Variants in CTNND2 observed in about 807,000 individuals in gnomAD.
The protein encoded by CTNND2 is catenin delta-2.
In CTNND2, 22 loss-of-function variants were observed where a neutral mutation model predicts 144.4. The ratio of observed to expected loss-of-function variants is 0.15; its 90% CI spans 0.11 to 0.22. The LOEUF is 0.22. Ranked by LOEUF, CTNND2 falls within the 10% of genes least tolerant of loss-of-function variation. The pLI, the probability that CTNND2 is intolerant of heterozygous loss-of-function variation, is 1.00. For synonymous variants in CTNND2, 751 were observed against 695.6 expected (o/e 1.08, Z -1.25); for missense variants, 1,353 against 1,618.8 (o/e 0.84, Z 2.82).
rs757592579 is a variant in CTNND2 at position 10,973,581 on chromosome 5, C to T, written c.3550G>A (p.Glu1184Lys). Residue 1184 changes from glutamate (E) to lysine (K), a missense_variant, in exon 22 of 22, where the codon GAG (glutamate) becomes AAG (lysine). This residue lies in a region of CTNND2 where 459 missense variants were observed against 674.3 expected (regional missense o/e 0.68). Transcript: ENST00000304623. The surrounding 1 kb of genome is among the most constrained non-coding windows in gnomAD (Gnocchi z 5.6). ...TTGAGACCCAGGTGCATGGTGTACT[C>T]GCTGGCGGGAGGGCGATGGTGGACC... Reference protein sequence around the residue: ...DQVHHRPPASEYTMHLGLKST... With the variant: ...DQVHHRPPASKYTMHLGLKST... 12 of 1,613,982 alleles carry T rather than the reference C, an allele frequency of 7.4e-6. No individual in the cohort carries two copies. The highest frequency in any genetic ancestry group is 9.3e-6 in the Non-Finnish European group (11 of 1,180,032).
intron 2 of CTNND2, among the ~76,000 whole-genome samples, chr5:11,660,534 C>A (rs1783143770): frequency 6.6e-6 from 1 of 152,052 alleles, no homozygotes; most frequent in South Asian, 2.1e-4. Context: ...CTGGAGTAGG[C>A]TCAGTTTCCC....
intron 12 of CTNND2, among the ~76,000 whole-genome samples, chr5:11,153,003 C>T (rs1757882431): frequency 6.6e-6 from 1 of 152,160 alleles, no homozygotes; most frequent in Admixed American, 6.5e-5. Flanking sequence ...TTGGCTCATT[C>T]CTGTAATCCC....
At chr5:11,042,284 G>A (rs1197919458) in intron 16 of CTNND2, among the ~76,000 whole-genome samples, 2 of 152,208 alleles carry the variant, frequency 1.3e-5, no homozygotes, top group Non-Finnish European at 2.9e-5. Context: ...ATGAAAAAGG[G>A]ATGGTCAGAG....
intron 10 of CTNND2, among the ~76,000 whole-genome samples, chr5:11,233,862 T>C (rs899479983): frequency 6.6e-6 from 1 of 152,156 alleles, no homozygotes; most frequent in African/African-American, 2.4e-5. Context: ...CCATGTTCCT[T>C]TGGCTAACAC....
At chr5:11,508,221 T>G (rs1285780640) in intron 3 of CTNND2, 1 of 152,224 alleles carries the variant, frequency 6.6e-6, no homozygotes, top group Non-Finnish European at 1.5e-5. Flanking sequence ...TTGTAAATAT[T>G]TCCTTTACTT....
At chr5:11,286,824 C>T (rs1162450791) in intron 9 of CTNND2, among the ~76,000 whole-genome samples, 5 of 152,174 alleles carry the variant, frequency 3.3e-5, no homozygotes, top group Admixed American at 6.6e-5. Flanking sequence ...GGTTTAGCAA[C>T]GTTCATGCTC....
intron 1 of CTNND2, among the ~76,000 whole-genome samples, chr5:11,902,844 C>A (rs1738019950): frequency 6.6e-6 from 1 of 152,068 alleles, no homozygotes; most frequent in Non-Finnish European, 1.5e-5. Flanking sequence ...TCTCCCACAC[C>A]CTTCATACCC....
At chr5:11,143,139 A>G (rs879924207) in intron 12 of CTNND2, among the ~76,000 whole-genome samples, 1 of 152,132 alleles carries the variant, frequency 6.6e-6, no homozygotes, top group South Asian at 2.1e-4. Context: ...TAAAGCACCT[A>G]ATGTCATGCA....
At chr5:11,888,940 C>G (rs1736761816) in intron 1 of CTNND2, among the ~76,000 whole-genome samples, 1 of 151,978 alleles carries the variant, frequency 6.6e-6, no homozygotes, top group Non-Finnish European at 1.5e-5. Context: ...TTAGTAGAGA[C>G]AGGGTTTCAC....
rs545524811 is a variant in CTNND2 at position 11,302,513 on chromosome 5, G to A, written c.1628+43859C>T. ...AGAGAGAAAAGGGGTGATGCCAAAG[G>A]AACGCAACAAACCCGGTAAATGCCG... On this transcript the variant is annotated intron_variant, in intron 9 of 21. Transcript: ENST00000304623. 6.6e-5 allele frequency among the ~76,000 whole-genome samples: 10 copies of A among 152,286 alleles called. No individual in the cohort carries two copies. In the South Asian group the frequency reaches 1.2e-3, roughly 19 times the overall value.
intron 12 of CTNND2, among the ~76,000 whole-genome samples, chr5:11,124,265 G>C (rs185389112): frequency 6.6e-6 from 1 of 152,076 alleles, no homozygotes; most frequent in Non-Finnish European, 1.5e-5. Context: ...CAGCCAAATC[G>C]ATTATCAAGT....
chr5:11,334,475 G>A (rs189704867), intron 9 of CTNND2, among the ~76,000 whole-genome samples: 1 of 152,084 alleles, frequency 6.6e-6, no homozygotes, highest in African/African-American at 2.4e-5. Context: ...CTTTTATTCA[G>A]TTGAAAAGAC....
At chr5:11,105,788 C>T (rs955257742) in intron 14 of CTNND2, among the ~76,000 whole-genome samples, 6 of 152,142 alleles carry the variant, frequency 3.9e-5, no homozygotes, top group Non-Finnish European at 7.3e-5. Context: ...TCTTTGCAGG[C>T]TCATGAGATA....
At chr5:11,289,059 C>T (rs1308109248) in intron 9 of CTNND2, among the ~76,000 whole-genome samples, 1 of 152,146 alleles carries the variant, frequency 6.6e-6, no homozygotes, top group East Asian at 1.9e-4. Context: ...GTGGCCATCT[C>T]CCTGTAAGCC....
At chr5:11,689,056 C>T (rs77796843) in intron 2 of CTNND2, among the ~76,000 whole-genome samples, 2,984 of 152,220 alleles carry the variant, frequency 0.02, 98 homozygotes, top group African/African-American at 0.067. Context: ...CTCTGTACTG[C>T]TGTTTTATTC....
At chr5:11,316,194 T>C (rs968190001) in intron 9 of CTNND2, among the ~76,000 whole-genome samples, 6 of 152,162 alleles carry the variant, frequency 3.9e-5, no homozygotes, top group Non-Finnish European at 5.9e-5. Context: ...GAACAATTAC[T>C]AGCCGCCAGG....
intron 3 of CTNND2, among the ~76,000 whole-genome samples, chr5:11,521,930 A>T (rs1438552115): frequency 6.6e-6 from 1 of 152,200 alleles, no homozygotes; most frequent in Non-Finnish European, 1.5e-5. Flanking sequence ...CCTTTTGCTG[A>T]TAACTGATTA....
intron 1 of CTNND2, among the ~76,000 whole-genome samples, chr5:11,845,041 C>T (rs1794669106): frequency 6.6e-6 from 1 of 152,212 alleles, no homozygotes; most frequent in Admixed American, 6.5e-5. Context: ...AGAAACCTGA[C>T]TCTCCAGTGG....
chr5:11,875,100 T>C (rs1180033001), intron 1 of CTNND2, among the ~76,000 whole-genome samples: 2 of 152,208 alleles, frequency 1.3e-5, no homozygotes, highest in Non-Finnish European at 2.9e-5. Flanking sequence ...AACTTAAAAA[T>C]AATTTTCCTA....
Sources: gnomAD v4.1 joint callset for allele counts (sites outside exome capture counted in the v4.1 genomes callset) on GRCh38, gnomAD v4.1.1 for gene constraint, gnomAD v4.1.1 regional missense constraint, Gnocchi (gnomAD v3.1) non-coding constraint, MANE v1.5 for transcripts, NCBI Gene and HGNC (gene_info 2026-07-23, HGNC 2026-07-21) for gene names.